Variants in PCDH11Y observed in about 807,000 individuals in gnomAD.
PCDH11Y encodes protocadherin 11 Y-linked, also known as protocadherin-11 Y-linked.
For synonymous variants in PCDH11Y, 9 were observed against 83.6 expected (o/e 0.11, Z 4.87); for missense variants, 12 against 224.8 (o/e 0.05, Z 6.05).
At chrY:5,599,443 C>T in intron 4 of PCDH11Y, among the ~76,000 whole-genome samples, 5 of 32,744 alleles carry the variant, frequency 1.5e-4, no homozygotes, top group African/African-American at 5.9e-4. Context: ...ATAGTTTGAA[C>T]GTCTAATAGT....
intron 3 of PCDH11Y, among the ~76,000 whole-genome samples, chrY:5,515,659 C>G: frequency 3.0e-5 from 1 of 33,293 alleles, no homozygotes; most frequent in Non-Finnish European, 7.4e-5. Context: ...TCACACTGCT[C>G]TAATTCAAAC....
chrY:5,594,899 C>T (rs2053465937), intron 4 of PCDH11Y, among the ~76,000 whole-genome samples: 3 of 33,181 alleles, frequency 9.0e-5, no homozygotes, highest in Non-Finnish European at 1.5e-4. Flanking sequence ...CTGCTACAGA[C>T]GCTCCCACAC....
chrY:5,020,920 T>C (rs2052568656), intron 1 of PCDH11Y, among the ~76,000 whole-genome samples: 1 of 33,581 alleles, frequency 3.0e-5, no homozygotes, highest in South Asian at 6.5e-4. Context: ...TATGTCCATA[T>C]ATTCTTGCTT....
At chrY:5,650,206 C>T in intron 4 of PCDH11Y, among the ~76,000 whole-genome samples, 4 of 32,137 alleles carry the variant, frequency 1.2e-4, no homozygotes, top group African/African-American at 2.4e-4. Flanking sequence ...TTTTATATTG[C>T]GAGAAACACT....
intron 1 of PCDH11Y, among the ~76,000 whole-genome samples, chrY:5,067,482 T>C (rs2052688783): frequency 3.0e-5 from 1 of 33,295 alleles, no homozygotes; most frequent in Non-Finnish European, 7.4e-5. Context: ...AAGATTTCTT[T>C]CTGAAATAAT....
At chrY:5,354,054 G>A in intron 2 of PCDH11Y, among the ~76,000 whole-genome samples, 1 of 33,726 alleles carries the variant, frequency 3.0e-5, no homozygotes, top group Non-Finnish European at 7.3e-5. Flanking sequence ...TTTATTGCCT[G>A]TGGCCCCATA....
intron 2 of PCDH11Y, among the ~76,000 whole-genome samples, chrY:5,115,742 T>C: frequency 9.7e-5 from 2 of 20,577 alleles, no homozygotes; most frequent in African/African-American, 4.0e-4. Flanking sequence ...AGTTCTTTTT[T>C]TTTTTTTTTT....
intron 2 of PCDH11Y, among the ~76,000 whole-genome samples, chrY:5,149,573 AACACACACAC>A (rs368668672): frequency 6.2e-4 from 11 of 17,860 alleles, no homozygotes; most frequent in South Asian, 2.8e-3. Flanking sequence ...CACACACACA[AACACACACAC>A]ACACACACAC....
At chrY:5,344,859 G>A (rs2053150357) in intron 2 of PCDH11Y, among the ~76,000 whole-genome samples, 2 of 33,324 alleles carry the variant, frequency 6.0e-5, no homozygotes, top group Non-Finnish European at 1.5e-4. Flanking sequence ...GTAGAGGTGG[G>A]GTTTCACCGT....
chrY:5,644,311 A>T, intron 4 of PCDH11Y, among the ~76,000 whole-genome samples: 1 of 33,510 alleles, frequency 3.0e-5, no homozygotes, highest in Non-Finnish European at 7.4e-5. Flanking sequence ...TTTTTATTAA[A>T]TGAACTTAAC....
chrY:5,666,074 G>A, intron 4 of PCDH11Y, among the ~76,000 whole-genome samples: 1 of 33,409 alleles, frequency 3.0e-5, no homozygotes, highest in Non-Finnish European at 7.4e-5. Context: ...ATGTCTGCAG[G>A]GGCAAAGAGA....
chrY:5,470,156 A>G, intron 2 of PCDH11Y, among the ~76,000 whole-genome samples: 2 of 24,678 alleles, frequency 8.1e-5, no homozygotes, highest in African/African-American at 1.6e-4. Context: ...AAATTACTTT[A>G]TTTCTCCTAG....
intron 4 of PCDH11Y, among the ~76,000 whole-genome samples, chrY:5,693,203 G>T (rs2124710992): frequency 3.5e-5 from 1 of 28,890 alleles, no homozygotes; most frequent in African/African-American, 1.3e-4. Flanking sequence ...TTCTCATACT[G>T]CAAATACAGT....
intron 3 of PCDH11Y, among the ~76,000 whole-genome samples, chrY:5,563,746 A>C (rs2053431811): frequency 3.3e-5 from 1 of 30,647 alleles, no homozygotes; most frequent in Non-Finnish European, 7.9e-5. Context: ...CTCTTTTAAC[A>C]GTCACAGTCA....
At chrY:5,008,369 C>T in intron 1 of PCDH11Y, among the ~76,000 whole-genome samples, 5 of 32,669 alleles carry the variant, frequency 1.5e-4, no homozygotes, top group Admixed American at 5.6e-4. Context: ...TCATATCAAC[C>T]GAAAGGATAT....
intron 2 of PCDH11Y, among the ~76,000 whole-genome samples, chrY:5,435,595 C>T (rs1602925108): frequency 3.1e-5 from 1 of 32,239 alleles, no homozygotes; most frequent in Non-Finnish European, 7.6e-5. Flanking sequence ...AGATTACAGG[C>T]GTGAGCCACC....
At chrY:5,493,766 A>G in intron 2 of PCDH11Y, among the ~76,000 whole-genome samples, 1 of 33,597 alleles carries the variant, frequency 3.0e-5, no homozygotes. Context: ...AGGCATATCT[A>G]AAGAAAATTG....
chrY:5,407,869 G>A (rs1209678673), intron 2 of PCDH11Y, among the ~76,000 whole-genome samples: 252 of 23,912 alleles, frequency 0.011, no homozygotes, highest in Admixed American at 0.091. Context: ...AGCCGAGATC[G>A]CGCCACTGCG....
intron 2 of PCDH11Y, among the ~76,000 whole-genome samples, chrY:5,331,049 C>T: frequency 3.0e-5 from 1 of 33,136 alleles, no homozygotes; most frequent in South Asian, 6.6e-4. Context: ...TTGTGTTAAT[C>T]ATTAATAAAT....
Sources: allele counts gnomAD v4.1 joint callset (sites outside exome capture counted in the v4.1 genomes callset), GRCh38; gene constraint gnomAD v4.1.1; transcripts MANE v1.5; gene names NCBI Gene and HGNC (gene_info 2026-07-23, HGNC 2026-07-21).